IQCC: variants seen among roughly 807,000 people sequenced by gnomAD.
The protein encoded by IQCC is IQ domain-containing protein C.
IQCC carries 23 observed loss-of-function variants against 27.0 expected under a neutral mutation model. The ratio of observed to expected loss-of-function variants is 0.85; its 90% CI spans 0.61 to 1.21. The LOEUF (loss-of-function observed/expected upper bound fraction) is 1.21. Ranked by LOEUF, IQCC falls within the 50% of genes most tolerant of loss-of-function variation. The pLI is 0.00. For missense variants in IQCC, 552 were observed against 562.3 expected, an observed-to-expected ratio of 0.98 and a Z score of 0.19; for synonymous variants, 220 against 217.2, an observed-to-expected ratio of 1.01 and a Z score of -0.11.
At chr1:32,206,893 C>G in intron 3 of IQCC, 109 bp from the exon 4 acceptor site, 1 of 1,406,998 alleles carries the variant, frequency 7.1e-7, no homozygotes, top group Admixed American at 1.9e-5. Context: ...ATAGGGCCAC[C>G]ACATGGTTGG....
chr1:32,208,188 T>C lies in IQCC; in HGVS notation c.*106T>C. 1 of 1,269,412 alleles carries C rather than the reference T, an allele frequency of 7.9e-7. No individual in the cohort carries two copies. Among genetic ancestry groups the C allele is most frequent in the East Asian group, 2.5e-5 (1 of 39,348 alleles). The allele number at this position is 1,269,412 out of a possible 1,614,324, so 78.6% of individuals were successfully genotyped here. ...CCTGACCAGCTCTGGCTTCTGCTCCTGCCCCTGGCCATTGGTGACTAGTGG... is the reference window on the plus strand; with the variant it reads ...CCTGACCAGCTCTGGCTTCTGCTCCCGCCCCTGGCCATTGGTGACTAGTGG... On this transcript the variant is annotated 3_prime_UTR_variant, in exon 5 of 5. Coordinates refer to ENST00000291358, the MANE Select transcript of IQCC (RefSeq NM_018134.3).
Position 32,205,722 on chromosome 1 carries a change from A to AGGTGCG in IQCC, c.42+2_42+7dup. ...CTGGTTCGGAAGGTGTCTGCATTGC[A>AGGTGCG]GGTGCGGGGGCGGGCGCGGGGTTCA... On this transcript the variant is annotated inframe_insertion and splice_region_variant, in exon 1 of 5. Coordinates refer to ENST00000291358, the MANE Select transcript of IQCC (RefSeq NM_018134.3). This position sits in a 1 kb window ranked among gnomAD's most constrained non-coding sequence, Gnocchi z 5.6. 1.2e-6 allele frequency: 2 copies of AGGTGCG among 1,611,974 alleles called. No homozygotes were observed. The highest frequency in any genetic ancestry group is 1.1e-5 in the South Asian group (1 of 90,800).
At position 32,207,842 on chromosome 1, in the gene IQCC, G is replaced by C. The variant is rs1214318924; in HGVS notation, c.1161G>C (p.Leu387Phe). The change falls in exon 5 of 5, where the codon TTG (leucine) becomes TTC (phenylalanine). Residue 387 changes from leucine (L) to phenylalanine (F), a missense_variant. Leu to Phe is a conservative substitution (Grantham distance 22). Coordinates refer to ENST00000291358, the MANE Select transcript of IQCC (RefSeq NM_018134.3). ...ACCACATCATCTGGGATGGTACCTT[G>C]GGGGGGCCAGAGCATAGTGTCCTCG... is the stretch of plus-strand genomic sequence containing the variant. ...SEDHIIWDGT[L>F]GGPEHSVLDL... is the part of the protein sequence containing the mutation. 1 of 1,613,846 alleles carries C rather than the reference G, an allele frequency of 6.2e-7. No homozygotes were observed. The highest frequency in any genetic ancestry group is 1.3e-5 in the African/African-American group (1 of 74,884).
Position 32,206,139 on chromosome 1 carries a change from C to T in IQCC, c.43-15C>T. 1 of 1,613,308 alleles carries T rather than the reference C, an allele frequency of 6.2e-7. No individual in the cohort carries two copies. The highest frequency in any genetic ancestry group is 1.1e-5 in the South Asian group (1 of 91,064). ...CCGTGATAAGGGACTTCTTTCCTCT[C>T]GTTCTCCATACCAGGCCTGCGTCCG... is the stretch of plus-strand genomic sequence containing the variant. On this transcript the variant is annotated splice_polypyrimidine_tract_variant and intron_variant, in intron 1 of 4. Transcript: ENST00000291358.
intron 3 of IQCC, 21 bp from the exon 4 acceptor site, chr1:32,206,981 C>T (rs1557523162): frequency 1.9e-6 from 3 of 1,577,554 alleles, no homozygotes; most frequent in Admixed American, 3.5e-5. Context: ...TTTTCTCCTT[C>T]CTTTCTTCCC....
chr1:32,206,273 T>C lies in IQCC; in HGVS notation c.162T>C (p.Ile54=), dbSNP rs1643332118. The stretch of plus-strand genomic sequence containing the variant: ...CGCTTCAGTGGACCGAGGGCCGCAT[T>C]CCCAGGCCGCGATTCCTCCCAGAGG... ...LGTLQWTEGR[I]PRPRFLPEKA... The change falls in exon 2 of 5, where the codon ATT becomes ATC. Residue 54 remains isoleucine (I), a synonymous_variant. Transcript: ENST00000291358. 5.6e-6 allele frequency: 9 copies of C among 1,614,010 alleles called. No individual in the cohort carries two copies. The highest frequency in any genetic ancestry group is 1.3e-5 in the African/African-American group (1 of 74,918).
rs1161001982 is a variant in IQCC, at chr1:32,208,386, G to T, written c.*304G>T. The T allele has an allele frequency of 3.6e-6, 1 of 279,238 alleles. No individual in the cohort carries two copies. Among genetic ancestry groups the T allele is most frequent in the Admixed American group, 4.7e-5 (1 of 21,394 alleles). The allele number at this position is 279,238 out of a possible 1,614,324, so 17.3% of individuals were successfully genotyped here. ...GGCCAAGGTGAGTGGATCACCTGAG[G>T]TCAGAAGTTTGAGACCAGCCTGACC... On this transcript the variant is annotated 3_prime_UTR_variant, in exon 5 of 5. Coordinates refer to ENST00000291358, the MANE Select transcript of IQCC (RefSeq NM_018134.3).
chr1:32,206,249 G>A lies in IQCC; in HGVS notation c.138G>A (p.Thr46=). ...GAGAGGTCGAGGGCGACCTGGGCAC[G>A]CTTCAGTGGACCGAGGGCCGCATTC... ...IVREVEGDLG[T]LQWTEGRIPR... The change falls in exon 2 of 5, where the codon ACG becomes ACA. Residue 46 remains threonine (T), a synonymous_variant. Transcript: ENST00000291358. 1.9e-6 allele frequency: 3 copies of A among 1,614,210 alleles called. No individual in the cohort carries two copies. Among genetic ancestry groups the A allele is most frequent in the Non-Finnish European group, 2.5e-6 (3 of 1,180,028 alleles).
chr1:32,207,176 G>C, intron 4 of IQCC, 56 bp downstream of exon 4: 11 of 1,602,390 alleles, frequency 6.9e-6, no homozygotes, highest in Non-Finnish European at 8.5e-6. Flanking sequence ...GGGGGTTAGG[G>C]AGAGACGACC....
In IQCC at chr1:32,207,756, C is replaced by T. The variant is rs1643413701; in HGVS notation, c.1075C>T (p.Leu359=). The T allele has an allele frequency of 6.2e-7, 1 of 1,613,964 alleles. No homozygotes were observed. The highest frequency in any genetic ancestry group is 8.5e-7 in the Non-Finnish European group (1 of 1,180,008). Residue 359 remains leucine (L), a synonymous_variant, in exon 5 of 5, where the codon CTA becomes TTA. Transcript: ENST00000291358. Reference sequence around the variant, plus strand: ...TATTAAGGAGATGTCTCCCAGAAAACTAGACCACAAAGAGCCTGACTGCCG... The same window carrying T: ...TATTAAGGAGATGTCTCCCAGAAAATTAGACCACAAAGAGCCTGACTGCCG... ...SNIKEMSPRK[L]DHKEPDCRTV...
Position 32,205,859 on chromosome 1 carries a change from C to T in IQCC, c.42+136C>T. On this transcript the variant is annotated intron_variant, in intron 1 of 4. Coordinates refer to ENST00000291358, the MANE Select transcript of IQCC (RefSeq NM_018134.3). The surrounding 1 kb of genome is among the most constrained non-coding windows in gnomAD (Gnocchi z 5.6). ...CCAACCTCTGGAGATACCGGCTGTCCCCAACCGCGCTGAGGAAAGCTGGGA... is the reference window on the plus strand; with the variant it reads ...CCAACCTCTGGAGATACCGGCTGTCTCCAACCGCGCTGAGGAAAGCTGGGA... The T allele has an allele frequency of 6.4e-7, 1 of 1,553,528 alleles. No homozygotes were observed. The highest frequency in any genetic ancestry group is 8.7e-7 in the Non-Finnish European group (1 of 1,148,184).
At position 32,207,795 on chromosome 1, in the gene IQCC, C is replaced by A; in HGVS notation, c.1114C>A (p.Gln372Lys). ...KEPDCRTVRT[Q>K]ELGLSEDHII... ...GCCTGACTGCCGAACAGTCAGGACA[C>A]AAGAGTTGGGCCTCTCAGAGGACCA... is the stretch of plus-strand genomic sequence containing the variant. Residue 372 changes from glutamine (Q) to lysine (K), a missense_variant, in exon 5 of 5, where the codon CAA becomes AAA. Physicochemically the swap from Gln to Lys is moderately conservative, Grantham distance 53 (BLOSUM62 1). Transcript: ENST00000291358. 2 of 1,614,020 alleles carry A rather than the reference C, an allele frequency of 1.2e-6. No individual in the cohort carries two copies. The highest frequency in any genetic ancestry group is 1.7e-6 in the Non-Finnish European group (2 of 1,180,006).
Position 32,205,861 on chromosome 1 carries a change from C to T in IQCC, c.42+138C>T, listed in dbSNP as rs949375180. The T allele has an allele frequency of 1.3e-6, 2 of 1,553,334 alleles. No homozygotes were observed. Among genetic ancestry groups the T allele is most frequent in the African/African-American group, 2.7e-5 (2 of 73,276 alleles). On this transcript the variant is annotated intron_variant, in intron 1 of 4. Transcript: ENST00000291358. This position sits in a 1 kb window ranked among gnomAD's most constrained non-coding sequence, Gnocchi z 5.6. ...AACCTCTGGAGATACCGGCTGTCCCCAACCGCGCTGAGGAAAGCTGGGACC... is the reference window on the plus strand; with the variant it reads ...AACCTCTGGAGATACCGGCTGTCCCTAACCGCGCTGAGGAAAGCTGGGACC...
In IQCC at chr1:32,206,542, G is replaced by A. The variant is rs147476921; in HGVS notation, c.220G>A (p.Asp74Asn). Residue 74 changes from aspartate to asparagine, a missense_variant, in exon 3 of 5, where the codon GAC becomes AAC. Coordinates refer to ENST00000291358, the MANE Select transcript of IQCC (RefSeq NM_018134.3). The part of the protein sequence containing the change: ...AKSHQTWKAG[D>N]RVANPEQGLW... ...ATCCCATCAGACCTGGAAAGCAGGA[G>A]ACAGGGTAGCAAATCCAGAGCAGGG... is the stretch of plus-strand genomic sequence containing the variant. The A allele has an allele frequency of 6.1e-4, 978 of 1,614,204 alleles. 5 individuals are homozygous for A. The African/African-American group carries it at 0.012, about 19-fold the overall frequency.
rs781215734 is a variant in IQCC at position 32,206,616 on chromosome 1, G to T, written c.294G>T (p.Trp98Cys). The T allele has an allele frequency of 1.4e-5, 22 of 1,614,092 alleles. No homozygotes were observed. The highest frequency in any genetic ancestry group is 1.8e-5 in the Non-Finnish European group (21 of 1,180,046). Residue 98 changes from tryptophan to cysteine, a missense_variant, in exon 3 of 5, where the codon TGG (tryptophan) becomes TGT (cysteine). Transcript: ENST00000291358. ...PCEESEGEAT[W>C]EEMVLKKSGE... ...AAGAGTCTGAGGGAGAGGCCACCTG[G>T]GAGGAGATGGTGCTGAAGAAGTCAG... is the stretch of plus-strand genomic sequence containing the variant.
rs1643456698 is a variant in IQCC at position 32,208,615 on chromosome 1, G to A, written c.*533G>A. 5.8e-6 allele frequency: 1 copy of A among 171,172 alleles called. No homozygotes were observed. Among genetic ancestry groups the A allele is most frequent in the Non-Finnish European group, 1.3e-5 (1 of 79,338 alleles). The allele number at this position is 171,172 out of a possible 1,614,324, so 10.6% of individuals were successfully genotyped here. A position where few individuals can be genotyped will look rare whatever the true frequency, so the allele number is the denominator to read the frequency against. On this transcript the variant is annotated 3_prime_UTR_variant, in exon 5 of 5. Transcript: ENST00000291358. The stretch of plus-strand genomic sequence containing the variant: ...CGAGACACGGTCTCAAAAAACAAAT[G>A]TGTGGCTAAGGAGTTACCTGGGGGA...
rs372339652 is a variant in IQCC at position 32,207,223 on chromosome 1, G to A, written c.559-17G>A. 3 of 1,613,494 alleles carry A rather than the reference G, an allele frequency of 1.9e-6. No homozygotes were observed. The highest frequency in any genetic ancestry group is 2.5e-6 in the Non-Finnish European group (3 of 1,179,660). ...AGCAGGCCTGCTTGGTACAATGTAT[G>A]TTCTCTCCCCCAACAGTACCTACTT... On this transcript the variant is annotated splice_polypyrimidine_tract_variant and intron_variant, in intron 4 of 4. Coordinates refer to ENST00000291358, the MANE Select transcript of IQCC (RefSeq NM_018134.3).
rs1425359093 is a variant in IQCC at position 32,206,207 on chromosome 1, G to A, written c.96G>A (p.Glu32=). The part of the protein sequence containing the change: ...VRRQFQSLRA[E]YEAIVREVEG... Reference sequence around the variant, plus strand: ...GCCAGTTCCAGAGCCTGCGAGCTGAGTATGAGGCGATTGTACGAGAGGTCG... The same window carrying A: ...GCCAGTTCCAGAGCCTGCGAGCTGAATATGAGGCGATTGTACGAGAGGTCG... The change falls in exon 2 of 5, where the codon GAG becomes GAA. Residue 32 remains glutamate, a synonymous_variant. Transcript: ENST00000291358. 3 of 1,614,018 alleles carry A rather than the reference G, an allele frequency of 1.9e-6. No individual in the cohort carries two copies. Among genetic ancestry groups the A allele is most frequent in the Non-Finnish European group, 1.7e-6 (2 of 1,179,876 alleles).
rs1407672701 is a variant in IQCC, at chr1:32,205,788, G to A, written c.42+65G>A. 1 of 1,592,432 alleles carries A rather than the reference G, an allele frequency of 6.3e-7. No homozygotes were observed. The highest frequency in any genetic ancestry group is 8.5e-7 in the Non-Finnish European group (1 of 1,170,642). On this transcript the variant is annotated intron_variant, in intron 1 of 4. Transcript: ENST00000291358. This position sits in a 1 kb window ranked among gnomAD's most constrained non-coding sequence, Gnocchi z 5.6. ...AGGGAAATCATGGGGTCTCGTACCT[G>A]GACCTCCCAGCGAGATGCTACCACG...
Sources: allele counts gnomAD v4.1 joint callset, GRCh38; gene constraint gnomAD v4.1.1; non-coding constraint Gnocchi (gnomAD v3.1); transcripts MANE v1.5; gene names NCBI Gene and HGNC (gene_info 2026-07-23, HGNC 2026-07-21).